DMXL2: variants seen among roughly 807,000 people sequenced by gnomAD.
The protein encoded by DMXL2 is dmX-like protein 2.
A neutral mutation model predicts 331.1 loss-of-function variants in DMXL2; 103 were observed. The ratio of observed to expected loss-of-function variants is 0.31; its 90% CI spans 0.27 to 0.37. DMXL2 has a LOEUF of 0.37. Ranked by LOEUF, DMXL2 falls within the 10% of genes least tolerant of loss-of-function variation. DMXL2 has a pLI of 1.00. For synonymous variants in DMXL2, 1,281 were observed against 1,252.1 expected (o/e 1.02, Z -0.49); for missense variants, 3,171 against 3,642.9 (o/e 0.87, Z 3.33).
Position 51,542,461 on chromosome 15 carries a change from G to C in DMXL2, c.977C>G (p.Ser326Cys), listed in dbSNP as rs2048652556. 6.2e-7 allele frequency: 1 copy of C among 1,613,652 alleles called. No homozygotes were observed. The highest frequency in any genetic ancestry group is 1.7e-5 in the Admixed American group (1 of 59,954). The change falls in exon 9 of 44, where the codon TCT becomes TGT. Residue 326 changes from serine to cysteine, a missense_variant. This residue lies in a region of DMXL2 where 1,674 missense variants were observed against 1,780.2 expected (regional missense o/e 0.94). Coordinates refer to ENST00000560891, the MANE Select transcript of DMXL2 (RefSeq NM_001378457.1). Reference protein sequence around the residue: ...KNLRKGQRRSSVLVTHAELMP... With the variant: ...KNLRKGQRRSCVLVTHAELMP... Reference sequence around the variant, plus strand: ...TAATTCAGCATGAGTTACAAGAACAGATGACCTCCTCTGTCCTTTCCTTAA... The same window carrying C: ...TAATTCAGCATGAGTTACAAGAACACATGACCTCCTCTGTCCTTTCCTTAA...
chr15:51,474,418 C>T lies in DMXL2; in HGVS notation c.7139G>A (p.Arg2380Gln), dbSNP rs763989021. 28 of 1,613,152 alleles carry T rather than the reference C, an allele frequency of 1.7e-5. No individual in the cohort carries two copies. The African/African-American group carries it at 2.9e-4, about 17-fold the overall frequency. ...FRLAAHPLNNRMWAAVFGGGV... is the reference protein window; with the variant it reads ...FRLAAHPLNNQMWAAVFGGGV... The stretch of plus-strand genomic sequence containing the variant: ...GCCTCCAAAAACAGCAGCCCACATT[C>T]GATTATTTAATGGGTGGGCTGCAAG... The change falls in exon 28 of 44, where the codon CGA becomes CAA. Residue 2380 changes from arginine (R) to glutamine (Q), a missense_variant. Arg to Gln is a conservative substitution (Grantham distance 43). This residue lies in a region of DMXL2 where 766 missense variants were observed against 940.5 expected (regional missense o/e 0.81). Coordinates refer to ENST00000560891, the MANE Select transcript of DMXL2 (RefSeq NM_001378457.1).
At chr15:51,488,733 T>C (rs374018097) in intron 20 of DMXL2, 88 bp from the exon 21 acceptor site, 9 of 1,153,264 alleles carry the variant, frequency 7.8e-6, no homozygotes, top group Middle Eastern at 2.1e-4. Context: ...GCTACTTCCA[T>C]GGCTGATAGA....
At chr15:51,490,306 C>G (rs1833979439) in intron 20 of DMXL2, among the ~76,000 whole-genome samples, 1 of 152,164 alleles carries the variant, frequency 6.6e-6, no homozygotes, top group African/African-American at 2.4e-5. Flanking sequence ...CTACCACTAC[C>G]AAATTAAAAT....
intron 1 of DMXL2, among the ~76,000 whole-genome samples, chr15:51,614,493 T>A (rs1403099030): frequency 6.6e-6 from 1 of 152,208 alleles, no homozygotes; most frequent in African/African-American, 2.4e-5. Context: ...TTAATATATA[T>A]CCTTGGAGTA....
chr15:51,572,026 A>T (rs1881274107), intron 2 of DMXL2, among the ~76,000 whole-genome samples: 1 of 152,112 alleles, frequency 6.6e-6, no homozygotes, highest in African/African-American at 2.4e-5. Flanking sequence ...TTAACAAAAT[A>T]CATAGACCAC....
At chr15:51,542,255 G>T (rs1449619382) in intron 9 of DMXL2, 78 bp downstream of exon 9, 5 of 1,355,588 alleles carry the variant, frequency 3.7e-6, no homozygotes, top group Non-Finnish European at 5.1e-6. Context: ...TAAAAAACAG[G>T]TTATGAAAGT....
At chr15:51,453,794 G>T (rs2039372236) in intron 40 of DMXL2, among the ~76,000 whole-genome samples, 153 bp from the exon 41 acceptor site, 1 of 152,228 alleles carries the variant, frequency 6.6e-6, no homozygotes, top group Non-Finnish European at 1.5e-5. Context: ...GTGATAGTAT[G>T]AGGCTTAACT....
chr15:51,581,213 A>G (rs2051391164), intron 1 of DMXL2, among the ~76,000 whole-genome samples: 1 of 152,146 alleles, frequency 6.6e-6, no homozygotes, highest in South Asian at 2.1e-4. Context: ...TAGGAACTCA[A>G]GCCCTATTGT....
intron 37 of DMXL2, among the ~76,000 whole-genome samples, chr15:51,456,929 T>C (rs1411351535): frequency 6.6e-6 from 1 of 152,122 alleles, no homozygotes; most frequent in Non-Finnish European, 1.5e-5. Flanking sequence ...CCTAGCACCT[T>C]GGGAGGCTGA....
At chr15:51,491,497 G>A in intron 20 of DMXL2, 81 bp downstream of exon 20, 1 of 1,400,674 alleles carries the variant, frequency 7.1e-7, no homozygotes, top group Non-Finnish European at 9.8e-7. Flanking sequence ...TCCCACTACA[G>A]GTTTTCTGGG....
chr15:51,466,262 C>G lies in DMXL2; in HGVS notation c.7442G>C (p.Ser2481Thr), dbSNP rs370841953. Residue 2481 changes from serine to threonine, a missense_variant, in exon 30 of 44, where the codon AGC (serine) becomes ACC (threonine). By Grantham distance (58) the Ser-to-Thr change is moderately conservative (BLOSUM62 1). Transcript: ENST00000560891. ...DSGVIYDSDE[S>T]IHSDEEDDAF... The stretch of plus-strand genomic sequence containing the variant: ...ATCATCTTCTTCATCACTATGAATG[C>G]TTTCATCAGAATCATATATAACACC... 2 of 1,561,130 alleles carry G rather than the reference C, an allele frequency of 1.3e-6. No individual in the cohort carries two copies. Among genetic ancestry groups the G allele is most frequent in the African/African-American group, 1.4e-5 (1 of 72,548 alleles).
At position 51,453,661 on chromosome 15, in the gene DMXL2, A is replaced by G; in HGVS notation, c.8605-20T>C. The stretch of plus-strand genomic sequence containing the variant: ...CCAACTCTACGAAAAACAAAGTGCA[A>G]CTGATGTTATTTTACCATTGGATAA... On this transcript the variant is annotated intron_variant, in intron 40 of 43. Transcript: ENST00000560891. 9 of 1,601,466 alleles carry G rather than the reference A, an allele frequency of 5.6e-6. No individual in the cohort carries two copies. The highest frequency in any genetic ancestry group is 7.7e-6 in the Non-Finnish European group (9 of 1,169,290).
At position 51,481,151 on chromosome 15, in the gene DMXL2, G is replaced by A; in HGVS notation, c.5955C>T (p.Ala1985=). ...NLDWGEDHDS[A]LDEEEDDAVG... is the part of the protein sequence containing the mutation. ...CAGCATCGTCTTCCTCTTCATCTAA[G>A]GCACTGTCGTGATCTTCACCCCAAT... Residue 1985 remains alanine, a synonymous_variant, in exon 24 of 44, where the codon GCC becomes GCT. Coordinates refer to ENST00000560891, the MANE Select transcript of DMXL2 (RefSeq NM_001378457.1). 2 of 1,612,694 alleles carry A rather than the reference G, an allele frequency of 1.2e-6. No individual in the cohort carries two copies. Among genetic ancestry groups the A allele is most frequent in the Non-Finnish European group, 1.7e-6 (2 of 1,179,130 alleles).
At chr15:51,524,859 C>A (rs1177300719) in intron 13 of DMXL2, among the ~76,000 whole-genome samples, 2 of 152,032 alleles carry the variant, frequency 1.3e-5, no homozygotes, top group East Asian at 1.9e-4. Context: ...TAGGGCTGAA[C>A]TGGGCCAAAG....
At chr15:51,578,152 C>T (rs770476601) in intron 1 of DMXL2, among the ~76,000 whole-genome samples, 4 of 152,180 alleles carry the variant, frequency 2.6e-5, no homozygotes, top group Non-Finnish European at 5.9e-5. Flanking sequence ...TGCAACAAAC[C>T]TGGAGGGTAG....
At chr15:51,483,090 T>C (rs775207323) in intron 23 of DMXL2, among the ~76,000 whole-genome samples, 1 of 152,174 alleles carries the variant, frequency 6.6e-6, no homozygotes, top group Non-Finnish European at 1.5e-5. Context: ...TCAGCCCTCA[T>C]GGCCACCACA....
At chr15:51,504,243 T>C (rs1484414788) in intron 16 of DMXL2, among the ~76,000 whole-genome samples, 1 of 152,160 alleles carries the variant, frequency 6.6e-6, no homozygotes, top group Non-Finnish European at 1.5e-5. Flanking sequence ...AAATTTAAAC[T>C]CAGAGAGCTT....
At chr15:51,587,052 G>T (rs188923716) in intron 1 of DMXL2, among the ~76,000 whole-genome samples, 1 of 150,592 alleles carries the variant, frequency 6.6e-6, no homozygotes, top group African/African-American at 2.4e-5. Context: ...AAAACCTACA[G>T]TCACCTTTTA....
In DMXL2 at chr15:51,459,637, C is replaced by T. The variant is rs986924857; in HGVS notation, c.7950G>A (p.Gln2650=). Residue 2650 remains glutamine (Q), a synonymous_variant, in exon 34 of 44, where the codon CAG becomes CAA. Coordinates refer to ENST00000560891, the MANE Select transcript of DMXL2 (RefSeq NM_001378457.1). Reference sequence around the variant, plus strand: ...CTTCTGCTATGCAGTTTTGGTTGACCTGCTCCACATGTTCTTCTATAGACT... The same window carrying T: ...CTTCTGCTATGCAGTTTTGGTTGACTTGCTCCACATGTTCTTCTATAGACT... The part of the protein sequence containing the change: ...QSESIEEHVE[Q]VNQNCIAEDC... 1 of 1,289,680 alleles carries T rather than the reference C, an allele frequency of 7.8e-7. No individual in the cohort carries two copies. Among genetic ancestry groups the T allele is most frequent in the Non-Finnish European group, 1.0e-6 (1 of 988,868 alleles). 79.9% of individuals were successfully genotyped at this position (1,289,680 alleles called of 1,614,324 possible).
Sources: gnomAD v4.1 joint callset for allele counts (sites outside exome capture counted in the v4.1 genomes callset) on GRCh38, gnomAD v4.1.1 for gene constraint, gnomAD v4.1.1 regional missense constraint, MANE v1.5 for transcripts, NCBI Gene and HGNC (gene_info 2026-07-23, HGNC 2026-07-21) for gene names.